EHBP1: variants seen among roughly 807,000 people sequenced by gnomAD.
EHBP1 encodes EH domain binding protein 1.
In EHBP1, 55 loss-of-function variants were observed where a neutral mutation model predicts 144.0. That is an observed-to-expected ratio of 0.38 (90% CI 0.31 to 0.48). The LOEUF (loss-of-function observed/expected upper bound fraction) is 0.48. Among genes scored for constraint, EHBP1 ranks in the 20% least tolerant of loss-of-function variants. The probability of loss-of-function intolerance (pLI) is 0.98; values close to 1 mark genes in which losing one functional copy is unlikely to be tolerated. For synonymous variants in EHBP1, 469 were observed against 472.7 expected (o/e 0.99, Z 0.10); for missense variants, 1,200 against 1,364.2 (o/e 0.88, Z 1.90).
At chr2:62,799,992 A>G (rs1350186228) in intron 5 of EHBP1, among the ~76,000 whole-genome samples, 1 of 152,250 alleles carries the variant, frequency 6.6e-6, no homozygotes, top group Non-Finnish European at 1.5e-5. Flanking sequence ...CGTGGTAGAA[A>G]GCAAAGGTGC....
chr2:63,044,763 C>G (rs535612551), intron 21 of EHBP1: 1 of 225,922 alleles, frequency 4.4e-6, no homozygotes, highest in East Asian at 9.2e-5. Context: ...CCTCTAGCTC[C>G]CCTCCCCCAC....
intron 19 of EHBP1, among the ~76,000 whole-genome samples, chr2:63,023,858 A>T (rs190348963): frequency 6.6e-4 from 101 of 152,360 alleles, no homozygotes; most frequent in African/African-American, 2.4e-3. Context: ...TGTTTATTTT[A>T]AAAATGAGTT....
intron 5 of EHBP1, among the ~76,000 whole-genome samples, chr2:62,813,727 T>G (rs2045233115): frequency 6.6e-6 from 1 of 152,198 alleles, no homozygotes; most frequent in Non-Finnish European, 1.5e-5. Flanking sequence ...GCGATCATTC[T>G]TTAGCTTTAG....
chr2:62,711,351 GAGACAATCAATAATGACTAT>G (rs2035131605), intron 2 of EHBP1, among the ~76,000 whole-genome samples: 1 of 152,190 alleles, frequency 6.6e-6, no homozygotes, highest in Non-Finnish European at 1.5e-5. Flanking sequence ...TGTAAAGTAA[GAGACAATCAATAATGACTAT>G]AGGTTTTTGG....
intron 10 of EHBP1, among the ~76,000 whole-genome samples, chr2:62,918,146 C>T (rs1476183867): frequency 6.6e-6 from 1 of 152,178 alleles, no homozygotes; most frequent in African/African-American, 2.4e-5. Context: ...ATCCACCCGC[C>T]TCAGCCTCCC....
intron 13 of EHBP1, 90 bp from the exon 14 acceptor site, chr2:62,955,427 T>C: frequency 8.1e-6 from 10 of 1,229,722 alleles, no homozygotes; most frequent in Non-Finnish European, 9.0e-6. Flanking sequence ...ATCTCTATTA[T>C]TTCAGCAGAT....
At chr2:62,788,232 T>C (rs968424495) in intron 5 of EHBP1, among the ~76,000 whole-genome samples, 3 of 152,206 alleles carry the variant, frequency 2.0e-5, no homozygotes, top group Non-Finnish European at 4.4e-5. Context: ...ATTTAAAGGT[T>C]TATGTGGTCT....
chr2:62,987,861 C>T, intron 15 of EHBP1: 1 of 843,064 alleles, frequency 1.2e-6, no homozygotes. Context: ...GGTTTTTCTT[C>T]TTTAGTGTTT....
At chr2:63,001,341 C>T (rs972495084) in intron 19 of EHBP1, among the ~76,000 whole-genome samples, 1 of 152,030 alleles carries the variant, frequency 6.6e-6, no homozygotes, top group Admixed American at 6.6e-5. Flanking sequence ...TGTAGCTTTT[C>T]GTAGAGTATC....
At chr2:62,759,522 C>T (rs1267114484) in intron 3 of EHBP1, among the ~76,000 whole-genome samples, 1 of 152,164 alleles carries the variant, frequency 6.6e-6, no homozygotes, top group Non-Finnish European at 1.5e-5. Flanking sequence ...TCGCCTGCCT[C>T]AGCCTCCCAA....
intron 4 of EHBP1, among the ~76,000 whole-genome samples, chr2:62,769,935 A>G (rs983612881): frequency 2.6e-5 from 4 of 152,184 alleles, no homozygotes; most frequent in Admixed American, 2.6e-4. Flanking sequence ...TCCCTATTCA[A>G]TAAATGGTGC....
intron 7 of EHBP1, among the ~76,000 whole-genome samples, chr2:62,838,352 G>C (rs1421595401): frequency 6.6e-6 from 1 of 152,030 alleles, no homozygotes; most frequent in Non-Finnish European, 1.5e-5. Flanking sequence ...TGTGTAGAGG[G>C]AAATTTATAG....
chr2:62,971,571 G>T (rs559880864), intron 14 of EHBP1, among the ~76,000 whole-genome samples: 1 of 152,112 alleles, frequency 6.6e-6, no homozygotes, highest in Non-Finnish European at 1.5e-5. Context: ...AATAGATAGG[G>T]CCAGTGCTTT....
chr2:62,751,520 C>G (rs1428772922), intron 3 of EHBP1, among the ~76,000 whole-genome samples: 1 of 152,130 alleles, frequency 6.6e-6, no homozygotes, highest in Non-Finnish European at 1.5e-5. Flanking sequence ...GGGAGGATTT[C>G]CTCTTTTTCT....
At chr2:62,815,940 A>G (rs1440951262) in intron 5 of EHBP1, among the ~76,000 whole-genome samples, 2 of 152,264 alleles carry the variant, frequency 1.3e-5, no homozygotes, top group Admixed American at 6.5e-5. Context: ...TTCAGTATGC[A>G]TGATAGAGCA....
At chr2:62,722,450 C>G (rs1036117743) in intron 2 of EHBP1, among the ~76,000 whole-genome samples, 8 of 151,240 alleles carry the variant, frequency 5.3e-5, no homozygotes, top group African/African-American at 1.9e-4. Context: ...TTTTTTTAAA[C>G]ATAACCACAG....
intron 14 of EHBP1, among the ~76,000 whole-genome samples, chr2:62,963,706 A>G (rs1365378175): frequency 6.6e-6 from 1 of 152,226 alleles, no homozygotes; most frequent in Non-Finnish European, 1.5e-5. Flanking sequence ...ATTATCACTT[A>G]TTAAAAAATC....
intron 10 of EHBP1, among the ~76,000 whole-genome samples, chr2:62,882,852 A>G (rs561909072): frequency 1.4e-3 from 208 of 150,714 alleles, no homozygotes; most frequent in African/African-American, 5.0e-3. Flanking sequence ...ATTGCACTCC[A>G]GCCTGGGCAA....
At chr2:62,931,765 C>T (rs1244434564) in intron 10 of EHBP1, among the ~76,000 whole-genome samples, 1 of 152,164 alleles carries the variant, frequency 6.6e-6, no homozygotes, top group African/African-American at 2.4e-5. Context: ...TATATGCCAC[C>T]TGTTAGTCAC....
Sources: gnomAD v4.1 joint callset for allele counts (sites outside exome capture counted in the v4.1 genomes callset) on GRCh38, gnomAD v4.1.1 for gene constraint, MANE v1.5 for transcripts, NCBI Gene and HGNC (gene_info 2026-07-23, HGNC 2026-07-21) for gene names.